Variants in TNFSF4 observed in about 807,000 individuals in gnomAD.
TNFSF4 encodes the protein tumor necrosis factor ligand superfamily member 4.
In TNFSF4, 4 loss-of-function variants were observed where a neutral mutation model predicts 7.3. The observed-to-expected ratio is 0.55, with a 90% CI of 0.27 to 1.25. The LOEUF is 1.25. Among genes scored for constraint, TNFSF4 ranks in the 50% most tolerant of loss-of-function variants. TNFSF4 has a pLI of 0.12. For synonymous variants in TNFSF4, 76 were observed against 83.7 expected (o/e 0.91, Z 0.50); for missense variants, 181 against 208.8 (o/e 0.87, Z 0.82).
the TNFSF4 span, among the ~76,000 whole-genome samples, chr1:173,240,397 TG>T: frequency 6.6e-6 from 1 of 152,254 alleles, no homozygotes; most frequent in African/African-American, 2.4e-5. Context: ...TTAAAATATA[TG>T]GCATGTTTCA....
chr1:173,206,770 CAAAGAA>C (rs1045475439), intron 1 of TNFSF4, among the ~76,000 whole-genome samples: 2 of 152,064 alleles, frequency 1.3e-5, no homozygotes, highest in African/African-American at 4.8e-5. Context: ...TCTTGCATTG[CAAAGAA>C]AAAGAAAAAG....
At chr1:173,265,735 T>C in the TNFSF4 span, among the ~76,000 whole-genome samples, 1 of 152,168 alleles carries the variant, frequency 6.6e-6, no homozygotes, top group Non-Finnish European at 1.5e-5. Flanking sequence ...TGCATCTCTA[T>C]TCATTTCAAT....
the TNFSF4 span, among the ~76,000 whole-genome samples, chr1:173,300,761 A>T: frequency 6.6e-6 from 1 of 151,756 alleles, no homozygotes; most frequent in Admixed American, 6.6e-5. Flanking sequence ...ATTAATTTCT[A>T]AAACATTTTT....
the TNFSF4 span, among the ~76,000 whole-genome samples, chr1:173,226,236 T>G: frequency 6.6e-6 from 1 of 152,182 alleles, no homozygotes; most frequent in East Asian, 1.9e-4. Flanking sequence ...TTAGGCCCTT[T>G]GTCATCCAGC....
the TNFSF4 span, among the ~76,000 whole-genome samples, chr1:173,388,228 C>T: frequency 6.6e-6 from 1 of 152,206 alleles, no homozygotes; most frequent in Non-Finnish European, 1.5e-5. Flanking sequence ...CTGTGGTACA[C>T]TTGTTCCATA....
chr1:173,176,852 T>A, the TNFSF4 span, among the ~76,000 whole-genome samples: 1 of 152,176 alleles, frequency 6.6e-6, no homozygotes, highest in African/African-American at 2.4e-5. Flanking sequence ...ATCATTATCC[T>A]AAGCAAACTA....
the TNFSF4 span, among the ~76,000 whole-genome samples, chr1:173,215,926 T>C: frequency 6.6e-6 from 1 of 152,176 alleles, no homozygotes; most frequent in Non-Finnish European, 1.5e-5. Flanking sequence ...TGTCCACAAA[T>C]GGCTGCATCC....
chr1:173,207,974 A>C (rs1371686121), upstream of TNFSF4, among the ~76,000 whole-genome samples: 1 of 152,212 alleles, frequency 6.6e-6, no homozygotes, highest in Non-Finnish European at 1.5e-5. Context: ...ACCAGAAAAG[A>C]AGCAGAAGGG....
chr1:173,181,974 T>C (rs965057319), downstream of TNFSF4, among the ~76,000 whole-genome samples: 3 of 152,094 alleles, frequency 2.0e-5, no homozygotes, highest in Non-Finnish European at 2.9e-5. Context: ...CCAAAAAATA[T>C]ATTTAAGTAA....
chr1:173,256,777 G>A, the TNFSF4 span, among the ~76,000 whole-genome samples: 9 of 152,182 alleles, frequency 5.9e-5, no homozygotes, highest in African/African-American at 2.2e-4. Flanking sequence ...ATCTATTGGG[G>A]AAGACCCTTG....
At chr1:173,293,682 A>G in the TNFSF4 span, among the ~76,000 whole-genome samples, 1 of 152,272 alleles carries the variant, frequency 6.6e-6, no homozygotes, top group African/African-American at 2.4e-5. Context: ...TCAACAGGCA[A>G]CCTACAGAAT....
chr1:173,261,231 G>C, the TNFSF4 span, among the ~76,000 whole-genome samples: 1 of 152,098 alleles, frequency 6.6e-6, no homozygotes, highest in Non-Finnish European at 1.5e-5. Context: ...AATGACTCCT[G>C]GGTAAATAAT....
chr1:173,227,283 C>T, the TNFSF4 span, among the ~76,000 whole-genome samples: 1 of 151,948 alleles, frequency 6.6e-6, no homozygotes. Context: ...TTGATTTTTT[C>T]CACCAATTAA....
the TNFSF4 span, among the ~76,000 whole-genome samples, chr1:173,393,219 A>C: frequency 2.6e-5 from 4 of 152,212 alleles, no homozygotes; most frequent in African/African-American, 9.7e-5. Context: ...AGTTCTGCTG[A>C]AAGCTCATTC....
In TNFSF4 at chr1:173,184,783, T is replaced by TGTCTCA. The variant is rs1377271480; in HGVS notation, c.*1732_*1733insTGAGAC. The TGTCTCA allele has an allele frequency of 6.6e-6, 1 of 152,166 alleles. No homozygotes were observed. Among genetic ancestry groups the TGTCTCA allele is most frequent in the Non-Finnish European group, 1.5e-5 (1 of 68,042 alleles). 9.4% of individuals were successfully genotyped at this position (152,166 alleles called of 1,614,324 possible). On this transcript the variant is annotated 3_prime_UTR_variant, in exon 3 of 3. Coordinates refer to ENST00000281834, the MANE Select transcript of TNFSF4 (RefSeq NM_003326.5). ...ATATCATTGAATATCTGTCTCAGAA[T>TGTCTCA]GATTCTTGTAAATGTAAGTATTTAG...
At chr1:173,361,692 A>G in the TNFSF4 span, among the ~76,000 whole-genome samples, 1 of 152,174 alleles carries the variant, frequency 6.6e-6, no homozygotes, top group African/African-American at 2.4e-5. Flanking sequence ...GATGGTTGAG[A>G]CACATATTTA....
At chr1:173,300,223 G>C in the TNFSF4 span, among the ~76,000 whole-genome samples, 2 of 151,272 alleles carry the variant, frequency 1.3e-5, no homozygotes, top group Non-Finnish European at 3.0e-5. Context: ...AGCAGAAGTT[G>C]GTATTTAAAG....
the TNFSF4 span, among the ~76,000 whole-genome samples, chr1:173,398,409 C>CTTTTTT: frequency 3.1e-3 from 316 of 101,306 alleles, no homozygotes; most frequent in South Asian, 4.5e-3. Context: ...TATTTCTTTT[C>CTTTTTT]TTTTTTTTTT....
the TNFSF4 span, among the ~76,000 whole-genome samples, chr1:173,437,888 A>AC: frequency 0.018 from 2,637 of 146,230 alleles, 35 homozygotes; most frequent in Middle Eastern, 0.068. Context: ...AATTTTCTGC[A>AC]CCCCAAGAAA....
Sources: gnomAD v4.1 joint callset for allele counts (sites outside exome capture counted in the v4.1 genomes callset) on GRCh38, gnomAD v4.1.1 for gene constraint, MANE v1.5 for transcripts, NCBI Gene and HGNC (gene_info 2026-07-23, HGNC 2026-07-21) for gene names.